Variants in TDRD10 observed in about 807,000 individuals in gnomAD.
TDRD10 encodes the protein tudor domain containing 10.
TDRD10 carries 40 observed loss-of-function variants against 48.0 expected under a neutral mutation model. That is an observed-to-expected ratio of 0.83 (90% confidence interval 0.65 to 1.09). TDRD10 has a LOEUF of 1.09. Ranked by LOEUF, TDRD10 falls within the 50% of genes least tolerant of loss-of-function variation. TDRD10 has a pLI of 0.00. For missense variants in TDRD10, 378 were observed against 434.7 expected, an observed-to-expected ratio of 0.87 and a Z score of 1.16; for synonymous variants, 162 against 170.4, an observed-to-expected ratio of 0.95 and a Z score of 0.38.
chr1:154,543,894 G>T, intron 8 of TDRD10, 69 bp from the exon 9 acceptor site: 1 of 1,589,352 alleles, frequency 6.3e-7, no homozygotes, highest in South Asian at 1.1e-5. Context: ...GACAGGCGTT[G>T]GTCCAGTCGT....
chr1:154,545,696 T>G (rs968114575), intron 11 of TDRD10, among the ~76,000 whole-genome samples: 1 of 151,774 alleles, frequency 6.6e-6, no homozygotes, highest in African/African-American at 2.4e-5. Context: ...CACCTTGGCC[T>G]CTCAAAGTGC....
chr1:154,520,067 C>T (rs1207462310), intron 4 of TDRD10, among the ~76,000 whole-genome samples: 3 of 152,130 alleles, frequency 2.0e-5, no homozygotes, highest in East Asian at 1.9e-4. Context: ...AGTGATGAAA[C>T]GGTGTGTTTA....
chr1:154,521,207 C>T, intron 5 of TDRD10, 116 bp from the exon 6 acceptor site: 1 of 1,017,414 alleles, frequency 9.8e-7, no homozygotes, highest in Non-Finnish European at 1.5e-6. Flanking sequence ...AGTTCATCTT[C>T]CATCACTGCA....
chr1:154,542,585 C>T (rs1695304904), intron 7 of TDRD10, 146 bp from the exon 8 acceptor site: 4 of 591,914 alleles, frequency 6.8e-6, no homozygotes, highest in Admixed American at 6.2e-5. Context: ...AGATGAGAAT[C>T]TAGAGACTGA....
chr1:154,529,647 G>C (rs6427722), intron 6 of TDRD10, among the ~76,000 whole-genome samples: 118,228 of 150,698 alleles, frequency 0.78, 47,059 homozygotes, highest in East Asian at 0.91. Flanking sequence ...CCAGGTTCAA[G>C]TGATTCTCCT....
chr1:154,542,880 C>G (rs1695323877), intron 8 of TDRD10, 59 bp downstream of exon 8: 11 of 1,425,312 alleles, frequency 7.7e-6, no homozygotes, highest in Non-Finnish European at 1.1e-5. Flanking sequence ...TCCTCTGTCC[C>G]CCAGAGAGTG....
At chr1:154,503,185 G>C (rs891049789) in intron 1 of TDRD10, among the ~76,000 whole-genome samples, 156 bp downstream of exon 1, 3 of 152,172 alleles carry the variant, frequency 2.0e-5, no homozygotes, top group Admixed American at 2.0e-4. Context: ...GGTTGGGAGC[G>C]GCCCTCCTAG....
At chr1:154,542,930 A>C (rs1188236748) in intron 8 of TDRD10, 109 bp downstream of exon 8, 11 of 840,356 alleles carry the variant, frequency 1.3e-5, no homozygotes, top group Non-Finnish European at 1.9e-5. Context: ...AGTTTTCGGG[A>C]ACTCCTGTGT....
rs1182336847 is a variant in TDRD10, at chr1:154,532,513, A to C, written c.370-9511A>C. 5.9e-5 allele frequency among the ~76,000 whole-genome samples: 9 copies of C among 152,218 alleles called. No homozygotes were observed. In the East Asian group the frequency reaches 1.7e-3, roughly 30 times the overall value. On this transcript the variant is annotated intron_variant, in intron 6 of 12. Coordinates refer to ENST00000368482, the MANE Select transcript of TDRD10 (RefSeq NM_182499.4). Reference sequence around the variant, plus strand: ...GCTCTGGCCTCGGCCAGCCCAGAGAAGGGCTCCCACGGTGCAGCGGCGGGC... The same window carrying C: ...GCTCTGGCCTCGGCCAGCCCAGAGACGGGCTCCCACGGTGCAGCGGCGGGC...
intron 1 of TDRD10, among the ~76,000 whole-genome samples, chr1:154,503,919 C>G (rs570212968): frequency 1.3e-5 from 2 of 152,240 alleles, no homozygotes; most frequent in South Asian, 4.1e-4. Flanking sequence ...AAGTGTGCAC[C>G]TCAAGTGTTT....
rs1695269731 is a variant in TDRD10 at position 154,542,036 on chromosome 1, G to GCTT, written c.385_387dup (p.Ser129dup). 6.2e-7 allele frequency: 1 copy of GCTT among 1,613,872 alleles called. No individual in the cohort carries two copies. Among genetic ancestry groups the GCTT allele is most frequent in the Non-Finnish European group, 8.5e-7 (1 of 1,179,900 alleles). ...TTTTTCTTCCCAGGTGTTGGAGAAG[G>GCTT]CTTCTGGTGAAGGATTTGGCAAAAC... is the stretch of plus-strand genomic sequence containing the variant. On this transcript the variant is annotated inframe_insertion, in exon 7 of 13. Transcript: ENST00000368482.
At chr1:154,516,336 T>C (rs1428125987) in intron 4 of TDRD10, among the ~76,000 whole-genome samples, 1 of 151,864 alleles carries the variant, frequency 6.6e-6, no homozygotes, top group Non-Finnish European at 1.5e-5. Flanking sequence ...GAGGAGCTGA[T>C]TTAGCGGCAG....
rs553077000 is a variant in TDRD10, at chr1:154,532,978, C to G, written c.370-9046C>G. On this transcript the variant is annotated intron_variant, in intron 6 of 12. Coordinates refer to ENST00000368482, the MANE Select transcript of TDRD10 (RefSeq NM_182499.4). ...TCCACTACACTTCTGACACCCCCCC[C>G]AGTAGGGAGAGAGAGGGGGGCTTTC... Among the ~76,000 whole-genome samples, 545 of 151,784 alleles carry G rather than the reference C, an allele frequency of 3.6e-3. 4 individuals carry two copies. The highest frequency in any genetic ancestry group is 0.012 in the African/African-American group (507 of 41,438).
rs1225741270 is a variant in TDRD10, at chr1:154,544,392, G to A, written c.672G>A (p.Gln224=). The change falls in exon 10 of 13, where the codon CAG becomes CAA. Residue 224 remains glutamine (Q), a synonymous_variant. Transcript: ENST00000368482. ...HVTEALHQNM[Q]ALFSTLAQAE... ...CACAGGCTCTGCACCAGAACATGCAGGCTCTGTTTAGCACCCTGGCTCAGG... is the reference window on the plus strand; with the variant it reads ...CACAGGCTCTGCACCAGAACATGCAAGCTCTGTTTAGCACCCTGGCTCAGG... 6.3e-7 allele frequency: 1 copy of A among 1,591,354 alleles called. No individual in the cohort carries two copies. Among genetic ancestry groups the A allele is most frequent in the Middle Eastern group, 1.7e-4 (1 of 6,032 alleles).
At chr1:154,520,251 G>A in intron 4 of TDRD10, 53 bp from the exon 5 acceptor site, 2 of 1,313,356 alleles carry the variant, frequency 1.5e-6, no homozygotes, top group East Asian at 2.3e-5. Flanking sequence ...ACCTTGAGAA[G>A]TGGTTGTAAG....
At chr1:154,545,557 G>A (rs1695501471) in intron 11 of TDRD10, among the ~76,000 whole-genome samples, 1 of 152,094 alleles carries the variant, frequency 6.6e-6, no homozygotes, top group African/African-American at 2.4e-5. Context: ...GAAGTAAGAT[G>A]GAAAAGTTTT....
intron 1 of TDRD10, among the ~76,000 whole-genome samples, chr1:154,504,476 A>T (rs1693032239): frequency 6.6e-6 from 1 of 152,172 alleles, no homozygotes; most frequent in Non-Finnish European, 1.5e-5. Context: ...ACCATTTTAC[A>T]TTCCTACCAG....
chr1:154,520,522 C>G, intron 5 of TDRD10, 148 bp downstream of exon 5: 5 of 654,242 alleles, frequency 7.6e-6, no homozygotes, highest in Non-Finnish European at 1.4e-5. Flanking sequence ...GGGAAACCCC[C>G]TTTCCATATT....
chr1:154,526,294 A>G (rs988530151), intron 6 of TDRD10, among the ~76,000 whole-genome samples: 1 of 151,606 alleles, frequency 6.6e-6, no homozygotes, highest in African/African-American at 2.4e-5. Context: ...AGGTGGTAGG[A>G]TCACTGGAGC....
Sources: gnomAD v4.1 joint callset for allele counts (sites outside exome capture counted in the v4.1 genomes callset) on GRCh38, gnomAD v4.1.1 for gene constraint, MANE v1.5 for transcripts, NCBI Gene and HGNC (gene_info 2026-07-23, HGNC 2026-07-21) for gene names.